EDIL3: variants seen among roughly 807,000 people sequenced by gnomAD.
EDIL3 encodes the protein EGF like and discoidin domains 3, also known as EGF-like repeat and discoidin I-like domain-containing protein 3.
EDIL3 carries 37 observed loss-of-function variants against 67.4 expected under a neutral mutation model. The ratio of observed to expected loss-of-function variants is 0.55; its 90% CI spans 0.42 to 0.72. EDIL3 has a LOEUF of 0.72. Among genes scored for constraint, EDIL3 ranks in the 30% least tolerant of loss-of-function variants. EDIL3 has a pLI of 0.00. For synonymous variants in EDIL3, 195 were observed against 196.3 expected (o/e 0.99, Z 0.05); for missense variants, 527 against 586.3 (o/e 0.90, Z 1.04).
intron 9 of EDIL3, among the ~76,000 whole-genome samples, chr5:84,048,967 G>T (rs1367183133): frequency 3.3e-5 from 5 of 152,042 alleles, no homozygotes; most frequent in Non-Finnish European, 7.4e-5. Flanking sequence ...ATTTCAATTT[G>T]TCTAATCTGA....
chr5:84,215,754 T>G (rs1398440427), intron 3 of EDIL3, among the ~76,000 whole-genome samples: 2 of 152,082 alleles, frequency 1.3e-5, no homozygotes, highest in African/African-American at 4.8e-5. Context: ...CACCTGTGAG[T>G]GCCAAGCCCT....
At chr5:83,947,955 A>G (rs1744343232) in intron 10 of EDIL3, among the ~76,000 whole-genome samples, 1 of 151,876 alleles carries the variant, frequency 6.6e-6, no homozygotes, top group Non-Finnish European at 1.5e-5. Flanking sequence ...TCCATTGACT[A>G]ACATCTGTTT....
chr5:83,991,429 T>C (rs552689099), intron 9 of EDIL3, among the ~76,000 whole-genome samples: 19 of 152,144 alleles, frequency 1.2e-4, no homozygotes, highest in Non-Finnish European at 2.5e-4. Context: ...CGATTCACCA[T>C]CTACTTCCAA....
intron 4 of EDIL3, among the ~76,000 whole-genome samples, chr5:84,153,446 C>T (rs557502941): frequency 6.6e-6 from 1 of 151,514 alleles, no homozygotes; most frequent in Admixed American, 6.6e-5. Flanking sequence ...GGCACCTCCC[C>T]ACCACGCCCG....
At chr5:84,231,073 T>C (rs556051958) in intron 2 of EDIL3, among the ~76,000 whole-genome samples, 2 of 152,304 alleles carry the variant, frequency 1.3e-5, no homozygotes, top group African/African-American at 2.4e-5. Context: ...AATCTTTACA[T>C]GGTATTAACT....
At chr5:84,059,500 T>A (rs1746505326) in intron 9 of EDIL3, among the ~76,000 whole-genome samples, 1 of 152,206 alleles carries the variant, frequency 6.6e-6, no homozygotes, top group South Asian at 2.1e-4. Context: ...TGGCAAATCT[T>A]GTTTGATAGG....
chr5:84,236,416 T>C (rs544228425), intron 2 of EDIL3, among the ~76,000 whole-genome samples: 49 of 152,220 alleles, frequency 3.2e-4, no homozygotes, highest in African/African-American at 1.2e-3. Flanking sequence ...TTGGTGTATC[T>C]ATTCAATTGT....
intron 1 of EDIL3, among the ~76,000 whole-genome samples, chr5:84,260,898 C>A (rs1011197149): frequency 6.6e-6 from 1 of 152,144 alleles, no homozygotes; most frequent in Non-Finnish European, 1.5e-5. Flanking sequence ...TAAATTTCTT[C>A]AATATCTCAA....
chr5:83,974,227 C>T (rs1242091644), intron 9 of EDIL3, among the ~76,000 whole-genome samples: 1 of 151,560 alleles, frequency 6.6e-6, no homozygotes, highest in Admixed American at 6.6e-5. Context: ...ACTTTTTTCC[C>T]TTTGACCTTA....
At chr5:84,161,087 C>T (rs1266133874) in intron 4 of EDIL3, among the ~76,000 whole-genome samples, 1 of 151,892 alleles carries the variant, frequency 6.6e-6, no homozygotes, top group Non-Finnish European at 1.5e-5. Context: ...TGAGAACATA[C>T]AATAGTTGGT....
At chr5:84,050,197 C>CAAAAAAAAAAAAAAAA (rs11335643) in intron 9 of EDIL3, among the ~76,000 whole-genome samples, 1 of 60,850 alleles carries the variant, frequency 1.6e-5, no homozygotes. Context: ...AACTCCATCT[C>CAAAAAAAAAAAAAAAA]AAAAAAAAAA....
At chr5:84,089,643 T>C (rs1158048296) in intron 6 of EDIL3, among the ~76,000 whole-genome samples, 1 of 152,194 alleles carries the variant, frequency 6.6e-6, no homozygotes, top group Admixed American at 6.5e-5. Flanking sequence ...TAAACTCTAG[T>C]TCTGACAGTA....
intron 3 of EDIL3, among the ~76,000 whole-genome samples, chr5:84,190,551 ATGTG>A (rs1228798257): frequency 7.9e-6 from 1 of 126,984 alleles, no homozygotes; most frequent in Admixed American, 8.3e-5. Flanking sequence ...ATATATATAT[ATGTG>A]TGTGTGTGTG....
At chr5:84,373,450 G>A (rs1199881932) in intron 1 of EDIL3, among the ~76,000 whole-genome samples, 3 of 152,024 alleles carry the variant, frequency 2.0e-5, no homozygotes, top group African/African-American at 4.8e-5. Context: ...ATCACTTCCT[G>A]TCTTCTTATT....
At chr5:84,277,707 A>T (rs2112103511) in intron 1 of EDIL3, among the ~76,000 whole-genome samples, 1 of 152,292 alleles carries the variant, frequency 6.6e-6, no homozygotes, top group East Asian at 1.9e-4. Context: ...TATCATAGAC[A>T]TATATTTTAA....
intron 2 of EDIL3, among the ~76,000 whole-genome samples, chr5:84,247,409 A>AAAT (rs200348922): frequency 0.012 from 1,875 of 152,170 alleles, 34 homozygotes; most frequent in African/African-American, 0.042. Flanking sequence ...ACAACGTCAG[A>AAAT]CTCTATTATA....
At chr5:84,203,914 CTA>C (rs956232209) in intron 3 of EDIL3, among the ~76,000 whole-genome samples, 2 of 152,106 alleles carry the variant, frequency 1.3e-5, no homozygotes, top group East Asian at 3.9e-4. Context: ...ACTTGGAATA[CTA>C]TATGTTTTTG....
intron 1 of EDIL3, among the ~76,000 whole-genome samples, chr5:84,281,756 A>G (rs189162432): frequency 6.6e-6 from 1 of 151,976 alleles, no homozygotes; most frequent in Non-Finnish European, 1.5e-5. Context: ...AAATTATGAG[A>G]TATTTGAAGA....
intron 1 of EDIL3, among the ~76,000 whole-genome samples, chr5:84,293,346 T>C (rs921075851): frequency 2.6e-5 from 4 of 152,162 alleles, no homozygotes; most frequent in African/African-American, 9.7e-5. Context: ...TAAAGTTGGG[T>C]AACGTAAGAT....
Sources: allele counts gnomAD v4.1 joint callset (sites outside exome capture counted in the v4.1 genomes callset), GRCh38; gene constraint gnomAD v4.1.1; transcripts MANE v1.5; gene names NCBI Gene and HGNC (gene_info 2026-07-23, HGNC 2026-07-21).